The following PTPRD variants were observed in gnomAD, a reference collection of about 807,000 sequenced individuals.
PTPRD encodes protein tyrosine phosphatase receptor type D, also known as receptor-type tyrosine-protein phosphatase delta.
PTPRD carries 34 observed loss-of-function variants against 214.5 expected under a neutral mutation model. The observed-to-expected ratio is 0.16, with a 90% CI of 0.12 to 0.21. PTPRD has a LOEUF of 0.21. Among genes scored for constraint, PTPRD ranks in the 10% least tolerant of loss-of-function variants. PTPRD has a pLI of 1.00. For synonymous variants in PTPRD, 1,128 were observed against 845.7 expected (o/e 1.33, Z -5.79); for missense variants, 2,545 against 2,398.7 (o/e 1.06, Z -1.27).
intron 8 of PTPRD, among the ~76,000 whole-genome samples, chr9:9,455,386 T>G (rs1465528425): frequency 6.6e-6 from 1 of 151,584 alleles, no homozygotes; most frequent in Non-Finnish European, 1.5e-5. Flanking sequence ...AGTTTCATTT[T>G]GATTTTTATA....
At chr9:8,586,989 T>C (rs1262003315) in intron 14 of PTPRD, among the ~76,000 whole-genome samples, 1 of 151,840 alleles carries the variant, frequency 6.6e-6, no homozygotes, top group Non-Finnish European at 1.5e-5. Context: ...CTACTAAAAA[T>C]ACAAAAAATT....
chr9:10,605,075 C>G (rs1290778318), intron 2 of PTPRD, among the ~76,000 whole-genome samples: 1 of 151,828 alleles, frequency 6.6e-6, no homozygotes, highest in Non-Finnish European at 1.5e-5. Flanking sequence ...TCAGCAGTAT[C>G]TAACAATCCC....
At chr9:9,057,171 T>C (rs1005210562) in intron 10 of PTPRD, among the ~76,000 whole-genome samples, 3 of 152,176 alleles carry the variant, frequency 2.0e-5, no homozygotes, top group Admixed American at 6.5e-5. Flanking sequence ...CCTTCTCTAA[T>C]ATATAAAGAT....
intron 2 of PTPRD, among the ~76,000 whole-genome samples, chr9:10,353,838 T>C (rs1472912921): frequency 6.6e-6 from 1 of 152,004 alleles, no homozygotes; most frequent in Non-Finnish European, 1.5e-5. Flanking sequence ...ATTTTTTCCA[T>C]GTTGCTTTGG....
chr9:8,399,737 A>G (rs913339872), intron 36 of PTPRD, among the ~76,000 whole-genome samples: 1 of 152,174 alleles, frequency 6.6e-6, no homozygotes, highest in Admixed American at 6.5e-5. Context: ...AAAAGGCATC[A>G]GTTTTGAATT....
intron 3 of PTPRD, among the ~76,000 whole-genome samples, chr9:10,139,486 A>C (rs946396533): frequency 1.3e-5 from 2 of 152,104 alleles, no homozygotes; most frequent in African/African-American, 2.4e-5. Flanking sequence ...TTCCTACCAA[A>C]CTATCAACAT....
chr9:10,068,602 T>C (rs1049468762), intron 3 of PTPRD, among the ~76,000 whole-genome samples: 2 of 151,904 alleles, frequency 1.3e-5, no homozygotes, highest in African/African-American at 4.8e-5. Context: ...AAACCATATT[T>C]GTCCCTCTTT....
intron 7 of PTPRD, among the ~76,000 whole-genome samples, chr9:9,620,712 GA>G (rs918932350): frequency 4.0e-5 from 6 of 150,548 alleles, no homozygotes; most frequent in African/African-American, 1.5e-4. Context: ...TCTGGCTTCA[GA>G]AAAAAAAATC....
At chr9:8,723,545 G>C (rs1041145725) in intron 12 of PTPRD, among the ~76,000 whole-genome samples, 15 of 152,160 alleles carry the variant, frequency 9.9e-5, no homozygotes, top group Admixed American at 6.5e-5. Flanking sequence ...TGGCTTATTG[G>C]AGGCACACTG....
intron 8 of PTPRD, among the ~76,000 whole-genome samples, chr9:9,411,348 A>C (rs1160076923): frequency 1.3e-5 from 2 of 151,548 alleles, no homozygotes; most frequent in Non-Finnish European, 2.9e-5. Flanking sequence ...TTACCACCCA[A>C]ATATAAAATA....
chr9:8,499,893 C>T lies in PTPRD; in HGVS notation c.2129-53G>A, dbSNP rs933922884. The T allele has an allele frequency of 1.9e-5, 28 of 1,465,044 alleles. No homozygotes were observed. The Admixed American group carries it at 4.9e-4, about 26-fold the overall frequency. The allele number at this position is 1,465,044 out of a possible 1,614,324, so 90.8% of individuals were successfully genotyped here. A position where few individuals can be genotyped will look rare whatever the true frequency, so the allele number is the denominator to read the frequency against. On this transcript the variant is annotated intron_variant, in intron 24 of 45. Coordinates refer to ENST00000381196, the MANE Select transcript of PTPRD (RefSeq NM_002839.4). The stretch of plus-strand genomic sequence containing the variant: ...ATTATAGGCACTTGTCCCACCCTAT[C>T]AGAGCATTTTCTGCATTTTCTTTAC...
At chr9:9,442,908 AT>A (rs1180084135) in intron 8 of PTPRD, among the ~76,000 whole-genome samples, 1 of 152,104 alleles carries the variant, frequency 6.6e-6, no homozygotes, top group Non-Finnish European at 1.5e-5. Flanking sequence ...GCATCTGTAC[AT>A]TTTTATCCAT....
At chr9:8,500,668 A>G (rs2097381910) in intron 24 of PTPRD, 86 bp downstream of exon 24, 1 of 1,393,826 alleles carries the variant, frequency 7.2e-7, no homozygotes. Flanking sequence ...ATGAGCAGAG[A>G]AAAAAGATTA....
At chr9:8,549,638 G>A (rs571550473) in intron 14 of PTPRD, among the ~76,000 whole-genome samples, 4 of 152,220 alleles carry the variant, frequency 2.6e-5, no homozygotes, top group African/African-American at 9.6e-5. Flanking sequence ...GTGAGGAGGG[G>A]CATATGAGAA....
chr9:8,967,336 A>AT, intron 11 of PTPRD, among the ~76,000 whole-genome samples: 3 of 152,002 alleles, frequency 2.0e-5, no homozygotes, highest in Admixed American at 6.6e-5. Flanking sequence ...TACTAAATGG[A>AT]AAGAAATCAT....
chr9:9,912,720 ATG>A (rs763159726), intron 5 of PTPRD, among the ~76,000 whole-genome samples: 1 of 152,208 alleles, frequency 6.6e-6, no homozygotes, highest in Non-Finnish European at 1.5e-5. Context: ...TAATAAAATG[ATG>A]TCAGAAGCCA....
intron 14 of PTPRD, among the ~76,000 whole-genome samples, chr9:8,554,090 A>C (rs548386536): frequency 6.6e-6 from 1 of 152,260 alleles, no homozygotes; most frequent in East Asian, 1.9e-4. Flanking sequence ...TGGAAGGCTG[A>C]GGCAGTAGAA....
intron 11 of PTPRD, among the ~76,000 whole-genome samples, chr9:8,951,680 A>G (rs1268645628): frequency 6.6e-6 from 1 of 152,064 alleles, no homozygotes; most frequent in Non-Finnish European, 1.5e-5. Flanking sequence ...TCATTCAGGC[A>G]GTTAGGGAAT....
At chr9:8,632,135 GTGTGTGTGTGTGTC>G (rs1007475747) in intron 14 of PTPRD, among the ~76,000 whole-genome samples, 5 of 147,144 alleles carry the variant, frequency 3.4e-5, no homozygotes, top group African/African-American at 5.1e-5. Context: ...GTGTGTGTGT[GTGTGTGTGTGTGTC>G]TGTGTGTGTG....
Sources: allele counts gnomAD v4.1 joint callset (sites outside exome capture counted in the v4.1 genomes callset), GRCh38; gene constraint gnomAD v4.1.1; transcripts MANE v1.5; gene names NCBI Gene and HGNC (gene_info 2026-07-23, HGNC 2026-07-21).